TEAD1: variants seen among roughly 807,000 people sequenced by gnomAD.
TEAD1 encodes TEA domain transcription factor 1, also known as transcriptional enhancer factor TEF-1.
In TEAD1, 9 loss-of-function variants were observed where a neutral mutation model predicts 54.9. That is an observed-to-expected ratio of 0.16 (90% CI 0.10 to 0.29). The LOEUF (loss-of-function observed/expected upper bound fraction) is 0.29. Among genes scored for constraint, TEAD1 ranks in the 10% least tolerant of loss-of-function variants. The pLI, the probability that TEAD1 is intolerant of heterozygous loss-of-function variation, is 1.00. For missense variants in TEAD1, 387 were observed against 535.9 expected, an observed-to-expected ratio of 0.72 and a Z score of 2.74; for synonymous variants, 200 against 187.8, an observed-to-expected ratio of 1.07 and a Z score of -0.53.
intron 3 of TEAD1, among the ~76,000 whole-genome samples, chr11:12,837,505 C>T (rs1946917687): frequency 2.0e-5 from 3 of 152,028 alleles, no homozygotes; most frequent in African/African-American, 7.3e-5. Context: ...TAATTTTCTC[C>T]CAGTTCTGCA....
intron 3 of TEAD1, among the ~76,000 whole-genome samples, chr11:12,861,257 T>C (rs894265924): frequency 6.6e-6 from 1 of 152,240 alleles, no homozygotes; most frequent in African/African-American, 2.4e-5. Context: ...TATTTTTTCC[T>C]ATCATGGTTT....
Position 12,937,299 on chromosome 11 carries a change from C to T in TEAD1, c.*77C>T, listed in dbSNP as rs997777004. On this transcript the variant is annotated 3_prime_UTR_variant, in exon 13 of 13. Coordinates refer to ENST00000527636, the MANE Select transcript of TEAD1 (RefSeq NM_021961.6). ...CACACACACACTCTCTCTCCATTAT[C>T]GAACGACTGACTGTAAACCTCACCA... is the stretch of plus-strand genomic sequence containing the variant. 7.3e-6 allele frequency: 9 copies of T among 1,226,154 alleles called. No homozygotes were observed. The highest frequency in any genetic ancestry group is 3.7e-5 in the Admixed American group (2 of 53,710). 76.0% of individuals were successfully genotyped at this position (1,226,154 alleles called of 1,614,324 possible).
intron 3 of TEAD1, among the ~76,000 whole-genome samples, chr11:12,852,159 G>A (rs534328404): frequency 6.6e-6 from 1 of 152,162 alleles, no homozygotes; most frequent in Non-Finnish European, 1.5e-5. Context: ...GAATGACAGT[G>A]GTCTGGGGAA....
intron 10 of TEAD1, among the ~76,000 whole-genome samples, chr11:12,902,729 C>G (rs868122925): frequency 6.6e-6 from 1 of 152,022 alleles, no homozygotes; most frequent in Non-Finnish European, 1.5e-5. Context: ...TGTTTGTGCC[C>G]CTTAGCATGG....
At position 12,760,971 on chromosome 11, in the gene TEAD1, G is replaced by A. The variant is rs536650864; in HGVS notation, c.-54-3208G>A. On this transcript the variant is annotated intron_variant, in intron 2 of 12. Coordinates refer to ENST00000527636, the MANE Select transcript of TEAD1 (RefSeq NM_021961.6). Reference sequence around the variant, plus strand: ...AGGCCTGTATAACTCTGTGGATTATGTATCTGGTAGTTTCTGGGGCTGTGT... The same window carrying A: ...AGGCCTGTATAACTCTGTGGATTATATATCTGGTAGTTTCTGGGGCTGTGT... Among the ~76,000 whole-genome samples the A allele has an allele frequency of 2.0e-5, 3 of 152,344 alleles. No individual in the cohort carries two copies. The South Asian group carries it at 6.2e-4, about 32-fold the overall frequency.
intron 3 of TEAD1, among the ~76,000 whole-genome samples, chr11:12,798,844 A>G (rs1455040178): frequency 6.6e-6 from 1 of 152,204 alleles, no homozygotes; most frequent in African/African-American, 2.4e-5. Flanking sequence ...AGGCGGTGCC[A>G]TCCTACTCAT....
chr11:12,844,226 C>T (rs1947095361), intron 3 of TEAD1, among the ~76,000 whole-genome samples: 3 of 152,038 alleles, frequency 2.0e-5, no homozygotes, highest in Admixed American at 6.6e-5. Context: ...GGTAGTGCCG[C>T]CATTGTTTTT....
At chr11:12,871,001 T>C (rs1947735104) in intron 5 of TEAD1, among the ~76,000 whole-genome samples, 1 of 152,220 alleles carries the variant, frequency 6.6e-6, no homozygotes, top group African/African-American at 2.4e-5. Flanking sequence ...GCTATGTGTT[T>C]GTCTCCTACT....
intron 10 of TEAD1, among the ~76,000 whole-genome samples, chr11:12,913,311 A>G (rs1948651652): frequency 6.6e-6 from 1 of 152,272 alleles, no homozygotes. Flanking sequence ...TTTGTTATGA[A>G]TAGTTTGAGC....
chr11:12,825,653 C>G (rs1235188694), intron 3 of TEAD1, among the ~76,000 whole-genome samples: 1 of 152,086 alleles, frequency 6.6e-6, no homozygotes, highest in Admixed American at 6.6e-5. Context: ...AATTGTCAAG[C>G]TGTTTCTAAC....
chr11:12,851,081 G>C (rs2134050763), intron 3 of TEAD1: 1 of 984,168 alleles, frequency 1.0e-6, no homozygotes, highest in South Asian at 4.7e-5. Context: ...TTATACAAAA[G>C]AGGTGAGCTC....
intron 2 of TEAD1, among the ~76,000 whole-genome samples, chr11:12,682,636 T>C (rs1212750092): frequency 6.6e-6 from 1 of 152,198 alleles, no homozygotes; most frequent in East Asian, 1.9e-4. Flanking sequence ...TTGGGCACTT[T>C]GAAATCCAGA....
chr11:12,841,481 A>G (rs889951513), intron 3 of TEAD1, among the ~76,000 whole-genome samples: 3 of 152,164 alleles, frequency 2.0e-5, no homozygotes, highest in Non-Finnish European at 2.9e-5. Context: ...GGGAAACTCA[A>G]TGGGGAATGT....
At chr11:12,910,296 A>T (rs1047558443) in intron 10 of TEAD1, among the ~76,000 whole-genome samples, 1 of 152,246 alleles carries the variant, frequency 6.6e-6, no homozygotes, top group Non-Finnish European at 1.5e-5. Context: ...ACCAAATAAG[A>T]CATGCAATTG....
intron 5 of TEAD1, among the ~76,000 whole-genome samples, chr11:12,870,739 AGCCAGGTATG>A (rs1947729966): frequency 6.6e-6 from 1 of 152,308 alleles, no homozygotes; most frequent in Middle Eastern, 3.4e-3. Flanking sequence ...ACAAAAAATT[AGCCAGGTATG>A]GCAGTGTGCA....
chr11:12,892,063 T>G (rs943894201), intron 9 of TEAD1, among the ~76,000 whole-genome samples: 1 of 152,240 alleles, frequency 6.6e-6, no homozygotes, highest in African/African-American at 2.4e-5. Flanking sequence ...TGAGCCCGCA[T>G]GGAAGGTCTG....
At chr11:12,777,208 G>T (rs2133943150) in intron 3 of TEAD1, among the ~76,000 whole-genome samples, 1 of 152,142 alleles carries the variant, frequency 6.6e-6, no homozygotes, top group Admixed American at 6.5e-5. Flanking sequence ...TGTTTAATTT[G>T]TTTAAAAAAT....
At chr11:12,752,878 T>C (rs1420601539) in intron 2 of TEAD1, among the ~76,000 whole-genome samples, 2 of 151,786 alleles carry the variant, frequency 1.3e-5, no homozygotes, top group African/African-American at 2.4e-5. Flanking sequence ...TGTCTCACAC[T>C]CTCTCAGGCC....
intron 2 of TEAD1, among the ~76,000 whole-genome samples, chr11:12,761,062 T>G (rs1032014046): frequency 6.6e-6 from 1 of 152,036 alleles, no homozygotes; most frequent in Non-Finnish European, 1.5e-5. Flanking sequence ...ATGGCAAGAG[T>G]CTGGATACAC....
Sources: gnomAD v4.1 joint callset for allele counts (sites outside exome capture counted in the v4.1 genomes callset) on GRCh38, gnomAD v4.1.1 for gene constraint, MANE v1.5 for transcripts, NCBI Gene and HGNC (gene_info 2026-07-23, HGNC 2026-07-21) for gene names.